The following TENM2 variants were observed in gnomAD, a reference collection of about 807,000 sequenced individuals.
TENM2 encodes the protein teneurin-2.
A neutral mutation model predicts 245.2 loss-of-function variants in TENM2; 52 were observed. That is an observed-to-expected ratio of 0.21 (90% CI 0.17 to 0.27). TENM2 has a LOEUF of 0.27. Ranked by LOEUF, TENM2 falls within the 10% of genes least tolerant of loss-of-function variation. The probability of loss-of-function intolerance (pLI) is 1.00; values close to 1 mark genes in which losing one functional copy is unlikely to be tolerated. For missense variants in TENM2, 3,046 were observed against 3,666.8 expected (o/e 0.83, Z 4.37); for synonymous variants, 1,363 against 1,438.9 (o/e 0.95, Z 1.19).
intron 2 of TENM2, among the ~76,000 whole-genome samples, chr5:167,677,212 T>G (rs888161699): frequency 6.6e-6 from 1 of 152,118 alleles, no homozygotes; most frequent in African/African-American, 2.4e-5. Flanking sequence ...AAACACAGCT[T>G]ATTTTAATTA....
intron 4 of TENM2, among the ~76,000 whole-genome samples, chr5:167,967,983 C>T (rs1781503195): frequency 6.6e-6 from 1 of 152,266 alleles, no homozygotes; most frequent in South Asian, 2.1e-4. Context: ...ATAAGGCATC[C>T]GCAGTCCTAC....
At chr5:167,762,425 A>G (rs1040370522) in intron 2 of TENM2, among the ~76,000 whole-genome samples, 2 of 152,194 alleles carry the variant, frequency 1.3e-5, no homozygotes, top group African/African-American at 4.8e-5. Context: ...GTGATGGCCA[A>G]TCATATTCTA....
chr5:167,562,598 T>C (rs116076248), intron 2 of TENM2, among the ~76,000 whole-genome samples: 3 of 152,150 alleles, frequency 2.0e-5, no homozygotes, highest in Non-Finnish European at 4.4e-5. Flanking sequence ...CCTTTTCTCC[T>C]GAGAAGAGCT....
intron 9 of TENM2, among the ~76,000 whole-genome samples, chr5:168,099,528 A>G (rs1033661265): frequency 3.9e-5 from 6 of 152,100 alleles, no homozygotes; most frequent in Non-Finnish European, 5.9e-5. Flanking sequence ...TTCTTATTTA[A>G]TTATGCATAC....
chr5:167,541,081 A>G lies in TENM2; in HGVS notation c.502+165608A>G, dbSNP rs569772358. Among the ~76,000 whole-genome samples, 108 of 152,290 alleles carry G rather than the reference A, an allele frequency of 7.1e-4. No homozygotes were observed. In the South Asian group the frequency reaches 0.022, roughly 30 times the overall value. On this transcript the variant is annotated intron_variant, in intron 2 of 28. Coordinates refer to ENST00000518659, the Ensembl canonical transcript of TENM2. The stretch of plus-strand genomic sequence containing the variant: ...TGGAAAGGGGATAGGTACTAAACTA[A>G]AATGATCTCACTAGAGATTTGTGCT...
chr5:167,803,108 G>C (rs982086773), intron 2 of TENM2, among the ~76,000 whole-genome samples: 6 of 152,092 alleles, frequency 3.9e-5, no homozygotes, highest in Non-Finnish European at 4.4e-5. Flanking sequence ...TCAATAATTG[G>C]CCAATCACTT....
At chr5:167,572,769 A>AT (rs776434340) in intron 2 of TENM2, among the ~76,000 whole-genome samples, 16 of 152,228 alleles carry the variant, frequency 1.1e-4, no homozygotes, top group Non-Finnish European at 1.9e-4. Context: ...CGTGTCAAAA[A>AT]TGGAACCTTC....
intron 2 of TENM2, among the ~76,000 whole-genome samples, chr5:167,623,219 G>A (rs747769354): frequency 3.3e-5 from 5 of 152,052 alleles, no homozygotes; most frequent in Non-Finnish European, 5.9e-5. Context: ...AAATAAAAAG[G>A]AGACTGCATT....
chr5:167,993,073 G>A (rs772226510), exon 5 of TENM2: 11 of 1,614,016 alleles, frequency 6.8e-6, no homozygotes, highest in Non-Finnish European at 9.3e-6. Context: ...CTTTCTCCAG[G>A]AAGGCTTTCA....
chr5:168,095,052 A>G (rs2152267950), intron 8 of TENM2, among the ~76,000 whole-genome samples: 1 of 152,036 alleles, frequency 6.6e-6, no homozygotes, highest in Admixed American at 6.5e-5. Flanking sequence ...AAACAAGCTC[A>G]GGGCGCCCAC....
chr5:167,551,723 A>G (rs537915927), intron 2 of TENM2, among the ~76,000 whole-genome samples: 33 of 152,304 alleles, frequency 2.2e-4, no homozygotes, highest in African/African-American at 7.7e-4. Context: ...GCCTGGCATC[A>G]ATTTTGTGTA....
the TENM2 span, among the ~76,000 whole-genome samples, chr5:167,144,821 T>C: frequency 6.6e-6 from 1 of 152,224 alleles, no homozygotes; most frequent in Non-Finnish European, 1.5e-5. Context: ...GTTGTTGCTG[T>C]AACAAGCAGT....
At chr5:167,920,015 G>A (rs1294833223) in intron 3 of TENM2, among the ~76,000 whole-genome samples, 2 of 152,166 alleles carry the variant, frequency 1.3e-5, no homozygotes, top group East Asian at 1.9e-4. Context: ...CGGAGTGCCT[G>A]AGGATTGTTC....
chr5:167,695,726 T>TAA (rs869300441), intron 2 of TENM2, among the ~76,000 whole-genome samples: 16 of 141,544 alleles, frequency 1.1e-4, no homozygotes, highest in South Asian at 2.2e-4. Flanking sequence ...AATGGTGATT[T>TAA]AAAAAAAAAA....
chr5:167,663,697 T>A (rs1755389967), intron 2 of TENM2, among the ~76,000 whole-genome samples: 1 of 152,194 alleles, frequency 6.6e-6, no homozygotes, highest in South Asian at 2.1e-4. Flanking sequence ...CCATTTTGTC[T>A]CTTATTCTCT....
intron 1 of TENM2, among the ~76,000 whole-genome samples, chr5:167,314,617 G>C (rs938612512): frequency 4.6e-5 from 7 of 151,998 alleles, no homozygotes; most frequent in Non-Finnish European, 7.4e-5. Context: ...AAGATATCGT[G>C]ACAAATTTTT....
At chr5:167,553,589 A>T (rs888777264) in intron 2 of TENM2, among the ~76,000 whole-genome samples, 2 of 152,144 alleles carry the variant, frequency 1.3e-5, no homozygotes, top group African/African-American at 4.8e-5. Flanking sequence ...ATGTTAAGGG[A>T]ATCATGGACG....
chr5:167,202,107 C>G, the TENM2 span, among the ~76,000 whole-genome samples: 1 of 152,224 alleles, frequency 6.6e-6, no homozygotes, highest in South Asian at 2.1e-4. Context: ...ACAGATTTTA[C>G]TGACTTTTCA....
intron 2 of TENM2, among the ~76,000 whole-genome samples, chr5:167,720,190 G>A (rs1185014773): frequency 6.6e-6 from 1 of 152,050 alleles, no homozygotes; most frequent in South Asian, 2.1e-4. Flanking sequence ...CACTGATCTA[G>A]TATTTCATAT....
Sources: gnomAD v4.1 joint callset for allele counts (sites outside exome capture counted in the v4.1 genomes callset) on GRCh38, gnomAD v4.1.1 for gene constraint, MANE v1.5 for transcripts, NCBI Gene and HGNC (gene_info 2026-07-23, HGNC 2026-07-21) for gene names.